The following ATL3 variants were observed in gnomAD, a reference collection of about 807,000 sequenced individuals.
The protein encoded by ATL3 is atlastin-3.
ATL3 carries 49 observed loss-of-function variants against 69.5 expected under a neutral mutation model. The ratio of observed to expected loss-of-function variants is 0.71; its 90% CI spans 0.56 to 0.89. The LOEUF is 0.89. Ranked by LOEUF, ATL3 falls within the 40% of genes least tolerant of loss-of-function variation. The pLI is 0.00. For missense variants in ATL3, 606 were observed against 645.7 expected (o/e 0.94, Z 0.67); for synonymous variants, 214 against 224.1 (o/e 0.95, Z 0.40).
intron 1 of ATL3, chr11:63,670,539 G>A (rs1326753578): frequency 6.6e-6 from 1 of 152,240 alleles, no homozygotes; most frequent in East Asian, 1.9e-4. Flanking sequence ...TAAAATGACA[G>A]ACTAAATCAG....
chr11:63,648,810 A>G (rs553190761), intron 5 of ATL3, among the ~76,000 whole-genome samples: 24 of 143,510 alleles, frequency 1.7e-4, no homozygotes, highest in African/African-American at 4.3e-4. Context: ...CTCTGTCTCT[A>G]AAAAAAAAAA....
intron 8 of ATL3, among the ~76,000 whole-genome samples, chr11:63,641,101 AC>A (rs1294010153): frequency 2.0e-5 from 3 of 152,122 alleles, no homozygotes; most frequent in Non-Finnish European, 4.4e-5. Flanking sequence ...ATATATAATG[AC>A]CATTTGTATT....
At chr11:63,667,518 T>C (rs1565285736) in intron 1 of ATL3, among the ~76,000 whole-genome samples, 1 of 151,968 alleles carries the variant, frequency 6.6e-6, no homozygotes, top group African/African-American at 2.4e-5. Context: ...TCCCACCACT[T>C]TGGGAGGCCA....
At chr11:63,645,965 T>C (rs1939863074) in intron 6 of ATL3, among the ~76,000 whole-genome samples, 1 of 152,072 alleles carries the variant, frequency 6.6e-6, no homozygotes, top group Non-Finnish European at 1.5e-5. Flanking sequence ...ACAGGTTCCA[T>C]GTTGGCCAAG....
rs1939125630 is a variant in ATL3, at chr11:63,626,747, A to C, written c.*2572T>G. The stretch of plus-strand genomic sequence containing the variant: ...CTGAACCACAAGTAAAAGGTGAGAG[A>C]AGTAAAAGATATTATTTTTAACCTG... On this transcript the variant is annotated 3_prime_UTR_variant, in exon 13 of 13. Transcript: ENST00000398868. 1 of 152,220 alleles carries C rather than the reference A, an allele frequency of 6.6e-6. No individual in the cohort carries two copies. Among genetic ancestry groups the C allele is most frequent in the South Asian group, 2.1e-4 (1 of 4,836 alleles). The allele number at this position is 152,220 out of a possible 1,614,324, so 9.4% of individuals were successfully genotyped here.
chr11:63,667,068 G>C (rs974600467), intron 1 of ATL3, among the ~76,000 whole-genome samples: 1 of 152,270 alleles, frequency 6.6e-6, no homozygotes, highest in African/African-American at 2.4e-5. Flanking sequence ...TCCTGCCTGG[G>C]ACATGAATCA....
rs778020481 is a variant in ATL3, at chr11:63,628,270, G to C, written c.*1049C>G. ...ATTCCTTTTATTATGAGCCACTCTG[G>C]CTTTTCAAGGCACGTTTGCCTCTTT... On this transcript the variant is annotated 3_prime_UTR_variant, in exon 13 of 13. Transcript: ENST00000398868. The C allele has an allele frequency of 1.3e-5, 2 of 151,000 alleles. No individual in the cohort carries two copies. Among genetic ancestry groups the C allele is most frequent in the Non-Finnish European group, 2.9e-5 (2 of 67,926 alleles). The allele number at this position is 151,000 out of a possible 1,614,324, so 9.4% of individuals were successfully genotyped here.
chr11:63,663,759 T>C (rs1352311285), intron 1 of ATL3, among the ~76,000 whole-genome samples: 17 of 152,226 alleles, frequency 1.1e-4, no homozygotes, highest in Non-Finnish European at 1.8e-4. Context: ...GTGGCAGAGA[T>C]GTCTGGTTGT....
At chr11:63,634,559 C>A (rs1187312189) in intron 10 of ATL3, among the ~76,000 whole-genome samples, 9 of 152,068 alleles carry the variant, frequency 5.9e-5, no homozygotes, top group Admixed American at 1.3e-4. Context: ...CTCTAGCTCC[C>A]TTTATGAAAA....
rs1939052003 is a variant in ATL3 at position 63,624,841 on chromosome 11, C to G, written c.*4478G>C. 1 of 152,146 alleles carries G rather than the reference C, an allele frequency of 6.6e-6. No homozygotes were observed. Among genetic ancestry groups the G allele is most frequent in the Non-Finnish European group, 1.5e-5 (1 of 68,024 alleles). The allele number at this position is 152,146 out of a possible 1,614,324, so 9.4% of individuals were successfully genotyped here. A position where few individuals can be genotyped will look rare whatever the true frequency, so the allele number is the denominator to read the frequency against. The stretch of plus-strand genomic sequence containing the variant: ...TTGTACTGGCAAGAGACCACCTATT[C>G]TAAACCTCAGGTACAAAGTGTCCAC... On this transcript the variant is annotated 3_prime_UTR_variant, in exon 13 of 13. Transcript: ENST00000398868.
At chr11:63,630,785 A>T (rs1227524455) in intron 12 of ATL3, among the ~76,000 whole-genome samples, 1 of 135,890 alleles carries the variant, frequency 7.4e-6, no homozygotes, top group East Asian at 2.3e-4. Flanking sequence ...AAGAGAGCAC[A>T]GCGAGACTTT....
At position 63,629,167 on chromosome 11, in the gene ATL3, G is replaced by A; in HGVS notation, c.*152C>T. Reference sequence around the variant, plus strand: ...TGTTTAATAATTTGAAACCACAGGAGAGGTCTGCTCATTTATTACAGGGCC... The same window carrying A: ...TGTTTAATAATTTGAAACCACAGGAAAGGTCTGCTCATTTATTACAGGGCC... On this transcript the variant is annotated 3_prime_UTR_variant, in exon 13 of 13. Coordinates refer to ENST00000398868, the MANE Select transcript of ATL3 (RefSeq NM_015459.5). The A allele has an allele frequency of 1.6e-6, 1 of 623,004 alleles. No individual in the cohort carries two copies. The highest frequency in any genetic ancestry group is 2.9e-6 in the Non-Finnish European group (1 of 343,764). 38.6% of individuals were successfully genotyped at this position (623,004 alleles called of 1,614,324 possible). A position where few individuals can be genotyped will look rare whatever the true frequency, so the allele number is the denominator to read the frequency against.
intron 10 of ATL3, among the ~76,000 whole-genome samples, chr11:63,635,012 A>C (rs1939468202): frequency 6.6e-6 from 1 of 151,418 alleles, no homozygotes; most frequent in Admixed American, 6.6e-5. Flanking sequence ...AAATACAAAA[A>C]TTAGCCAGGC....
intron 1 of ATL3, among the ~76,000 whole-genome samples, chr11:63,669,789 A>G (rs1940716270): frequency 6.6e-6 from 1 of 152,014 alleles, no homozygotes; most frequent in East Asian, 1.9e-4. Flanking sequence ...TCTACTAAAA[A>G]TACAAAAAAT....
chr11:63,639,895 T>C (rs1369124277), intron 8 of ATL3, among the ~76,000 whole-genome samples: 2 of 152,204 alleles, frequency 1.3e-5, no homozygotes, highest in Non-Finnish European at 2.9e-5. Context: ...ACAAACATCT[T>C]TCTGTATAAA....
rs1304056698 is a variant in ATL3, at chr11:63,624,812, G to C, written c.*4507C>G. 1 of 152,090 alleles carries C rather than the reference G, an allele frequency of 6.6e-6. No individual in the cohort carries two copies. Among genetic ancestry groups the C allele is most frequent in the Non-Finnish European group, 1.5e-5 (1 of 68,018 alleles). 9.4% of individuals were successfully genotyped at this position (152,090 alleles called of 1,614,324 possible). A position where few individuals can be genotyped will look rare whatever the true frequency, so the allele number is the denominator to read the frequency against. On this transcript the variant is annotated 3_prime_UTR_variant, in exon 13 of 13. Transcript: ENST00000398868. ...TACTTCTGAACACAGAAAACGCCTG[G>C]GGATTGTACTGGCAAGAGACCACCT...
rs540608927 is a variant in ATL3 at position 63,624,252 on chromosome 11, C to T, written c.*5067G>A. 2.0e-5 allele frequency: 3 copies of T among 152,106 alleles called. No individual in the cohort carries two copies. The highest frequency in any genetic ancestry group is 4.4e-5 in the Non-Finnish European group (3 of 68,004). The allele number at this position is 152,106 out of a possible 1,614,324, so 9.4% of individuals were successfully genotyped here. A position where few individuals can be genotyped will look rare whatever the true frequency, so the allele number is the denominator to read the frequency against. On this transcript the variant is annotated 3_prime_UTR_variant, in exon 13 of 13. Transcript: ENST00000398868. ...AGGGTCTAGCAGACAGTACTTTTAACAAATCATTTTTTAAAATAAAAAAAC... is the reference window on the plus strand; with the variant it reads ...AGGGTCTAGCAGACAGTACTTTTAATAAATCATTTTTTAAAATAAAAAAAC...
chr11:63,671,247 C>T, intron 1 of ATL3, 43 bp downstream of exon 1: 2 of 1,546,686 alleles, frequency 1.3e-6, no homozygotes, highest in Admixed American at 2.0e-5. Context: ...GGGAAGGCGG[C>T]GGGGGTGGCC....
Position 63,644,158 on chromosome 11 carries a change from G to A in ATL3, c.711+11C>T, listed in dbSNP as rs1271815882. On this transcript the variant is annotated intron_variant, in intron 7 of 12. Transcript: ENST00000398868. ...TGAGATAATTCATCAGAAGATTATAGTCCCACTTACCTGTAAACGCTTATC... is the reference window on the plus strand; with the variant it reads ...TGAGATAATTCATCAGAAGATTATAATCCCACTTACCTGTAAACGCTTATC... 2 of 1,553,618 alleles carry A rather than the reference G, an allele frequency of 1.3e-6. No individual in the cohort carries two copies. The highest frequency in any genetic ancestry group is 1.8e-6 in the Non-Finnish European group (2 of 1,133,386).
Sources: gnomAD v4.1 joint callset for allele counts (sites outside exome capture counted in the v4.1 genomes callset) on GRCh38, gnomAD v4.1.1 for gene constraint, MANE v1.5 for transcripts, NCBI Gene and HGNC (gene_info 2026-07-23, HGNC 2026-07-21) for gene names.